The following SLC35F1 variants were observed in gnomAD, a reference collection of about 807,000 sequenced individuals.
SLC35F1 encodes chromosome 6 open reading frame 169.
Under a neutral mutation model 48.7 loss-of-function variants are expected in SLC35F1, and 14 were observed. The ratio of observed to expected loss-of-function variants is 0.29; its 90% confidence interval spans 0.19 to 0.45. The LOEUF (loss-of-function observed/expected upper bound fraction) is 0.45. Ranked by LOEUF, SLC35F1 falls within the 20% of genes least tolerant of loss-of-function variation. The pLI is 1.00. For missense variants in SLC35F1, 404 were observed against 500.0 expected, an observed-to-expected ratio of 0.81 and a Z score of 1.83; for synonymous variants, 190 against 202.2, an observed-to-expected ratio of 0.94 and a Z score of 0.51.
chr6:117,943,524 G>T (rs533088810), intron 1 of SLC35F1, among the ~76,000 whole-genome samples: 90 of 152,302 alleles, frequency 5.9e-4, no homozygotes, highest in Middle Eastern at 3.4e-3. Flanking sequence ...ATACCATTGT[G>T]AAATTTTGTG....
At chr6:117,926,534 A>T (rs557374321) in intron 1 of SLC35F1, among the ~76,000 whole-genome samples, 1 of 152,190 alleles carries the variant, frequency 6.6e-6, no homozygotes, top group African/African-American at 2.4e-5. Flanking sequence ...GTACATGTGC[A>T]TGTGCACATA....
At chr6:118,041,707 G>A (rs967647768) in intron 1 of SLC35F1, among the ~76,000 whole-genome samples, 2 of 152,120 alleles carry the variant, frequency 1.3e-5, no homozygotes, top group African/African-American at 2.4e-5. Flanking sequence ...AATAGTAACC[G>A]CCCTTCAGAG....
intron 1 of SLC35F1, among the ~76,000 whole-genome samples, chr6:118,017,205 A>G (rs1777333482): frequency 6.6e-6 from 1 of 152,176 alleles, no homozygotes; most frequent in Non-Finnish European, 1.5e-5. Flanking sequence ...CAGTGGCTAC[A>G]TTAGGACTAA....
At chr6:118,307,813 G>A (rs569782154) in intron 7 of SLC35F1, among the ~76,000 whole-genome samples, 4 of 152,224 alleles carry the variant, frequency 2.6e-5, no homozygotes, top group South Asian at 4.1e-4. Flanking sequence ...GGGTCTTACC[G>A]TTACAGGCCA....
chr6:117,909,199 A>T (rs934019180), intron 1 of SLC35F1, among the ~76,000 whole-genome samples: 1 of 152,136 alleles, frequency 6.6e-6, no homozygotes, highest in Non-Finnish European at 1.5e-5. Flanking sequence ...GTAGCTGAGA[A>T]TACCACCTTC....
chr6:118,287,488 A>G (rs1399733940), intron 7 of SLC35F1, among the ~76,000 whole-genome samples: 1 of 152,214 alleles, frequency 6.6e-6, no homozygotes, highest in Non-Finnish European at 1.5e-5. Flanking sequence ...GACCCAGGCC[A>G]GCTCCCAGCA....
chr6:118,060,203 C>T lies in SLC35F1; in HGVS notation c.174-94242C>T, dbSNP rs974565121. Among the ~76,000 whole-genome samples the T allele has an allele frequency of 1.1e-4, 17 of 152,050 alleles. 1 individual carries two copies. Among genetic ancestry groups the T allele is most frequent in the African/African-American group, 2.4e-5 (1 of 41,412 alleles). On this transcript the variant is annotated intron_variant, in intron 1 of 7. Coordinates refer to ENST00000360388, the MANE Select transcript of SLC35F1 (RefSeq NM_001029858.4). ...CTTTACCATTGGCTTATTGTGAGGA[C>T]TAATAGATGCCAAATACAAAGTGCC...
intron 1 of SLC35F1, among the ~76,000 whole-genome samples, chr6:117,943,955 A>C (rs181307197): frequency 2.0e-5 from 3 of 152,300 alleles, no homozygotes; most frequent in Admixed American, 2.0e-4. Context: ...TGGCAACAAC[A>C]CTTCCATGAG....
At chr6:118,002,147 C>A (rs894149537) in intron 1 of SLC35F1, among the ~76,000 whole-genome samples, 2 of 150,644 alleles carry the variant, frequency 1.3e-5, no homozygotes, top group Admixed American at 1.3e-4. Context: ...AAGACACATG[C>A]ACACGTATGT....
intron 3 of SLC35F1, among the ~76,000 whole-genome samples, chr6:118,256,570 A>G (rs1404164045): frequency 1.3e-5 from 2 of 152,158 alleles, no homozygotes; most frequent in East Asian, 1.9e-4. Context: ...TCACCTCATT[A>G]TGCTCTGCTG....
intron 1 of SLC35F1, among the ~76,000 whole-genome samples, chr6:117,966,212 C>T (rs1776567495): frequency 1.4e-5 from 2 of 138,010 alleles, no homozygotes; most frequent in South Asian, 4.8e-4. Flanking sequence ...AAGCTTTGTT[C>T]TTTCGCACTT....
chr6:118,164,311 A>C (rs1010201880), intron 2 of SLC35F1, among the ~76,000 whole-genome samples: 4 of 152,222 alleles, frequency 2.6e-5, no homozygotes, highest in Non-Finnish European at 5.9e-5. Flanking sequence ...AAATAGAGTG[A>C]ATATCAATTT....
intron 2 of SLC35F1, among the ~76,000 whole-genome samples, chr6:118,188,852 C>T (rs1165209699): frequency 6.6e-6 from 1 of 152,126 alleles, no homozygotes; most frequent in Admixed American, 6.5e-5. Flanking sequence ...ATTTCTCGGT[C>T]ATATGATAGT....
rs374566877 is a variant in SLC35F1 at position 117,946,797 on chromosome 6, G to A, written c.173+38898G>A. Among the ~76,000 whole-genome samples, 8 of 152,110 alleles carry A rather than the reference G, an allele frequency of 5.3e-5. No individual in the cohort carries two copies. The East Asian group carries it at 1.5e-3, about 29-fold the overall frequency. ...ATACTGAATTTTAACTATTGCAGAC[G>A]TTTTTAGAAGTTATGGAACACTGTC... On this transcript the variant is annotated intron_variant, in intron 1 of 7. Coordinates refer to ENST00000360388, the MANE Select transcript of SLC35F1 (RefSeq NM_001029858.4).
At chr6:118,283,191 A>G (rs1001117489) in intron 6 of SLC35F1, among the ~76,000 whole-genome samples, 3 of 152,098 alleles carry the variant, frequency 2.0e-5, no homozygotes, top group African/African-American at 7.2e-5. Flanking sequence ...TGTCCCTTTC[A>G]GGAACTTTTC....
intron 1 of SLC35F1, among the ~76,000 whole-genome samples, chr6:117,989,591 G>A (rs1776891392): frequency 2.0e-5 from 3 of 152,126 alleles, no homozygotes; most frequent in African/African-American, 7.2e-5. Context: ...TGTAATTTCT[G>A]AATTTATAAA....
chr6:118,056,574 G>C (rs1464942184), intron 1 of SLC35F1, among the ~76,000 whole-genome samples: 1 of 152,156 alleles, frequency 6.6e-6, no homozygotes, highest in Admixed American at 6.5e-5. Flanking sequence ...CTTGATAGAG[G>C]CCAGACAGTT....
chr6:117,907,710 C>T lies in SLC35F1; in HGVS notation c.-17C>T, dbSNP rs1775707343. 3 of 1,469,398 alleles carry T rather than the reference C, an allele frequency of 2.0e-6. No individual in the cohort carries two copies. Among genetic ancestry groups the T allele is most frequent in the African/African-American group, 2.9e-5 (2 of 68,696 alleles). The allele number at this position is 1,469,398 out of a possible 1,614,324, so 91.0% of individuals were successfully genotyped here. A position where few individuals can be genotyped will look rare whatever the true frequency, so the allele number is the denominator to read the frequency against. On this transcript the variant is annotated 5_prime_UTR_variant, in exon 1 of 8. Transcript: ENST00000360388. ...CGGCTGCGTTCTGATCGCCGCCGCGCCTCAGCCTCTGCCGCGATGATCCCC... is the reference window on the plus strand; with the variant it reads ...CGGCTGCGTTCTGATCGCCGCCGCGTCTCAGCCTCTGCCGCGATGATCCCC...
intron 1 of SLC35F1, among the ~76,000 whole-genome samples, chr6:117,974,131 C>G (rs1047846418): frequency 6.6e-6 from 1 of 152,116 alleles, no homozygotes; most frequent in Non-Finnish European, 1.5e-5. Flanking sequence ...GTTTCCTCAT[C>G]CATGAAATAG....
Sources: gnomAD v4.1 joint callset for allele counts (sites outside exome capture counted in the v4.1 genomes callset) on GRCh38, gnomAD v4.1.1 for gene constraint, MANE v1.5 for transcripts, NCBI Gene and HGNC (gene_info 2026-07-23, HGNC 2026-07-21) for gene names.